Variants in MEF2B observed in about 807,000 individuals in gnomAD.
The protein encoded by MEF2B is myocyte enhancer factor 2B, also known as myocyte-specific enhancer factor 2B.
Under a neutral mutation model 32.2 loss-of-function variants are expected in MEF2B, and 15 were observed. The ratio of observed to expected loss-of-function variants is 0.47; its 90% confidence interval spans 0.31 to 0.72. The LOEUF (loss-of-function observed/expected upper bound fraction) is 0.72. Among genes scored for constraint, MEF2B ranks in the 30% least tolerant of loss-of-function variants. The pLI, the probability that MEF2B is intolerant of heterozygous loss-of-function variation, is 0.05. For synonymous variants in MEF2B, 205 were observed against 225.6 expected (o/e 0.91, Z 0.82); for missense variants, 441 against 511.5 (o/e 0.86, Z 1.33).
At chr19:19,157,083 A>G in intron 1 of MEF2B, 1 of 251,908 alleles carries the variant, frequency 4.0e-6, no homozygotes, top group Non-Finnish European at 8.8e-6. Context: ...CCAGGAGTTC[A>G]AGGTTACAGT....
Position 19,145,973 on chromosome 19 carries a change from G to C in MEF2B, c.931C>G (p.Pro311Ala). 6.9e-7 allele frequency: 1 copy of C among 1,439,568 alleles called. No individual in the cohort carries two copies. Among genetic ancestry groups the C allele is most frequent in the Non-Finnish European group, 9.1e-7 (1 of 1,099,276 alleles). The allele number at this position is 1,439,568 out of a possible 1,614,324, so 89.2% of individuals were successfully genotyped here. Residue 311 changes from proline to alanine, a missense_variant, in exon 9 of 9, where the codon CCG becomes GCG. Pro to Ala is a conservative substitution (Grantham distance 27). Coordinates refer to ENST00000424583, the MANE Select transcript of MEF2B (RefSeq NM_001145785.2). This position sits in a 1 kb window ranked among gnomAD's most constrained non-coding sequence, Gnocchi z 4.6. ...EEGPPTRGAS[P>A]PTPPVSIKSE... ...TTGATGCTGACTGGGGGGGTCGGCG[G>C]GGAGGCGCCGCGGGTTGGGGGACCC... is the stretch of plus-strand genomic sequence containing the variant.
intron 1 of MEF2B, among the ~76,000 whole-genome samples, chr19:19,158,958 G>C (rs2060139689): frequency 6.8e-6 from 1 of 147,970 alleles, no homozygotes; most frequent in Non-Finnish European, 1.5e-5. Flanking sequence ...TCTTTTTTTT[G>C]AGACAGAGTT....
intron 1 of MEF2B, among the ~76,000 whole-genome samples, chr19:19,166,418 G>T (rs1452105001): frequency 2.0e-5 from 3 of 152,056 alleles, no homozygotes; most frequent in African/African-American, 2.4e-5. Context: ...GGGCTGGGGC[G>T]AGTTCCCTGA....
At chr19:19,169,758 A>G (rs1046962474) in intron 1 of MEF2B, among the ~76,000 whole-genome samples, 7 of 152,102 alleles carry the variant, frequency 4.6e-5, no homozygotes, top group African/African-American at 1.7e-4. Flanking sequence ...TGTGCCTACC[A>G]TCCTGCTGTG....
At chr19:19,152,646 G>C (rs113119513) in intron 1 of MEF2B, among the ~76,000 whole-genome samples, 2,616 of 152,336 alleles carry the variant, frequency 0.017, 83 homozygotes, top group African/African-American at 0.059. Flanking sequence ...GGAGGTTGCA[G>C]TGAGCCGAGA....
chr19:19,167,168 T>C (rs1247738193), intron 1 of MEF2B, among the ~76,000 whole-genome samples: 1 of 152,008 alleles, frequency 6.6e-6, no homozygotes, highest in African/African-American at 2.4e-5. Flanking sequence ...TTGGCCAACA[T>C]GGTGAAACTC....
At position 19,146,891 on chromosome 19, in the gene MEF2B, C is replaced by T. The variant is rs1411890346; in HGVS notation, c.542-16G>A. 1 of 1,605,972 alleles carries T rather than the reference C, an allele frequency of 6.2e-7. No homozygotes were observed. Among genetic ancestry groups the T allele is most frequent in the East Asian group, 2.2e-5 (1 of 44,762 alleles). On this transcript the variant is annotated splice_polypyrimidine_tract_variant and intron_variant, in intron 5 of 8. Coordinates refer to ENST00000424583, the MANE Select transcript of MEF2B (RefSeq NM_001145785.2). ...TGCACCAGGCCTGGGGAAGAGGAGACCCCAGAGAGAGAGGACAGGCAGGCC... is the reference window on the plus strand; with the variant it reads ...TGCACCAGGCCTGGGGAAGAGGAGATCCCAGAGAGAGAGGACAGGCAGGCC...
chr19:19,155,140 CT>C (rs913922971), intron 1 of MEF2B, among the ~76,000 whole-genome samples: 1 of 152,208 alleles, frequency 6.6e-6, no homozygotes, highest in African/African-American at 2.4e-5. Context: ...CCCCCTCCTG[CT>C]CATACACTCT....
chr19:19,145,918 C>T lies in MEF2B; in HGVS notation c.986G>A (p.Gly329Asp), dbSNP rs757542272. The T allele has an allele frequency of 1.4e-6, 2 of 1,438,576 alleles. No individual in the cohort carries two copies. Among genetic ancestry groups the T allele is most frequent in the South Asian group, 1.5e-5 (1 of 67,774 alleles). 89.1% of individuals were successfully genotyped at this position (1,438,576 alleles called of 1,614,324 possible). Residue 329 changes from glycine to aspartate, a missense_variant, in exon 9 of 9, where the codon GGC (glycine) becomes GAC (aspartate). Physicochemically the swap from Gly to Asp is moderately conservative, Grantham distance 94. Coordinates refer to ENST00000424583, the MANE Select transcript of MEF2B (RefSeq NM_001145785.2). The surrounding 1 kb of genome is among the most constrained non-coding windows in gnomAD (Gnocchi z 4.6). ...GAAGGTCTTAGGAAAGTCGCCGGGG[C>T]CCCCGGGGGCCGGAGAGAGGCGCTC... is the stretch of plus-strand genomic sequence containing the variant. ...KSERLSPAPG[G>D]PGDFPKTFPY... is the part of the protein sequence containing the mutation.
chr19:19,146,327 G>C lies in MEF2B; in HGVS notation c.827C>G (p.Ala276Gly). 1 of 1,270,600 alleles carries C rather than the reference G, an allele frequency of 7.9e-7. No homozygotes were observed. Among genetic ancestry groups the C allele is most frequent in the Non-Finnish European group, 1.0e-6 (1 of 975,506 alleles). The allele number at this position is 1,270,600 out of a possible 1,614,324, so 78.7% of individuals were successfully genotyped here. Residue 276 changes from alanine to glycine, a missense_variant, in exon 8 of 9, where the codon GCC (alanine) becomes GGC (glycine). Physicochemically the swap from Ala to Gly is moderately conservative, Grantham distance 60. This residue lies in a region of MEF2B where 326 missense variants were observed against 328.4 expected (regional missense o/e 0.99). Transcript: ENST00000424583. ...ATCACCCCTCGAGGGCTGCCAGGGGGCCAGGGTGGGGGGCTGCAACAAGCC... is the reference window on the plus strand; with the variant it reads ...ATCACCCCTCGAGGGCTGCCAGGGGCCCAGGGTGGGGGGCTGCAACAAGCC... ...PPGLLQPPTL[A>G]PWQPSRGDGP...
chr19:19,154,825 G>A (rs1599726467), intron 1 of MEF2B, among the ~76,000 whole-genome samples: 1 of 152,214 alleles, frequency 6.6e-6, no homozygotes, highest in Admixed American at 6.5e-5. Flanking sequence ...TCTGTTGGAG[G>A]CCAGGGTGGA....
chr19:19,159,348 G>C (rs1390581174), intron 1 of MEF2B, among the ~76,000 whole-genome samples: 1 of 151,780 alleles, frequency 6.6e-6, no homozygotes, highest in Non-Finnish European at 1.5e-5. Flanking sequence ...GTGAGCCCAG[G>C]AGATGGAGGC....
intron 3 of MEF2B, among the ~76,000 whole-genome samples, chr19:19,148,816 A>G (rs1416251684): frequency 6.6e-6 from 1 of 151,754 alleles, no homozygotes; most frequent in African/African-American, 2.4e-5. Flanking sequence ...GGTTCAAGCA[A>G]TTCTCCTACT....
intron 1 of MEF2B, among the ~76,000 whole-genome samples, chr19:19,161,766 C>G (rs985123791): frequency 2.7e-5 from 4 of 150,588 alleles, no homozygotes; most frequent in African/African-American, 9.8e-5. Flanking sequence ...AGGGCCCCCC[C>G]ATCCCTGCAG....
intron 1 of MEF2B, among the ~76,000 whole-genome samples, chr19:19,167,931 G>A (rs2060222757): frequency 6.6e-6 from 1 of 152,158 alleles, no homozygotes; most frequent in African/African-American, 2.4e-5. Flanking sequence ...CTTCCCTCCT[G>A]CAAACCAGCT....
intron 1 of MEF2B, among the ~76,000 whole-genome samples, chr19:19,152,294 C>T (rs1010542768): frequency 1.3e-5 from 2 of 150,636 alleles, no homozygotes; most frequent in Non-Finnish European, 1.5e-5. Flanking sequence ...GCTGTCGTGG[C>T]GCACACCTGT....
At position 19,145,598 on chromosome 19, in the gene MEF2B, T is replaced by C; in HGVS notation, c.*199A>G. ...CCACGGACGCCACGCGCGTTTTATT[T>C]GTGGATATACACACAAATAGGAAGA... On this transcript the variant is annotated 3_prime_UTR_variant, in exon 9 of 9. Transcript: ENST00000424583. The surrounding 1 kb of genome is among the most constrained non-coding windows in gnomAD (Gnocchi z 4.6). 1 of 1,297,368 alleles carries C rather than the reference T, an allele frequency of 7.7e-7. No homozygotes were observed. Among genetic ancestry groups the C allele is most frequent in the Non-Finnish European group, 1.0e-6 (1 of 956,396 alleles). 80.4% of individuals were successfully genotyped at this position (1,297,368 alleles called of 1,614,324 possible).
chr19:19,150,630 G>A, intron 2 of MEF2B, 52 bp downstream of exon 2: 1 of 1,611,482 alleles, frequency 6.2e-7, no homozygotes, highest in Non-Finnish European at 8.5e-7. Flanking sequence ...CCTAGGCCAT[G>A]CCCCCTGCTA....
At chr19:19,156,761 C>T (rs1020365813) in intron 1 of MEF2B, among the ~76,000 whole-genome samples, 4 of 152,168 alleles carry the variant, frequency 2.6e-5, no homozygotes, top group Non-Finnish European at 5.9e-5. Context: ...AAGTGATCCT[C>T]CAGCCTCAGC....
Sources: gnomAD v4.1 joint callset for allele counts (sites outside exome capture counted in the v4.1 genomes callset) on GRCh38, gnomAD v4.1.1 for gene constraint, gnomAD v4.1.1 regional missense constraint, Gnocchi (gnomAD v3.1) non-coding constraint, MANE v1.5 for transcripts, NCBI Gene and HGNC (gene_info 2026-07-23, HGNC 2026-07-21) for gene names.